SPAST: variants seen among roughly 807,000 people sequenced by gnomAD.
SPAST encodes spastin.
A neutral mutation model predicts 76.6 loss-of-function variants in SPAST; 30 were observed. The ratio of observed to expected loss-of-function variants is 0.39; its 90% CI spans 0.29 to 0.53. The LOEUF (loss-of-function observed/expected upper bound fraction) is 0.53, where lower values mean the gene tolerates loss of function less well. Among genes scored for constraint, SPAST ranks in the 20% least tolerant of loss-of-function variants. The pLI is 0.68. For synonymous variants in SPAST, 305 were observed against 281.0 expected (o/e 1.09, Z -0.86); for missense variants, 717 against 770.5 (o/e 0.93, Z 0.82).
At chr2:32,102,510 A>T (rs1025756962) in intron 4 of SPAST, among the ~76,000 whole-genome samples, 12 of 152,188 alleles carry the variant, frequency 7.9e-5, no homozygotes, top group African/African-American at 2.9e-4. Flanking sequence ...CACTATGTTG[A>T]ACAGGAGTGG....
intron 1 of SPAST, among the ~76,000 whole-genome samples, chr2:32,080,829 CTG>C (rs1403859595): frequency 3.6e-5 from 4 of 110,298 alleles, no homozygotes; most frequent in Non-Finnish European, 1.7e-5. Context: ...GAGTCTCACT[CTG>C]TTGCCCAAGC....
intron 4 of SPAST, among the ~76,000 whole-genome samples, chr2:32,107,725 A>G (rs1391850794): frequency 6.6e-6 from 1 of 152,190 alleles, no homozygotes. Context: ...ATTTCGCATA[A>G]GGGATACTCA....
chr2:32,082,918 A>G (rs1460909111), intron 1 of SPAST, among the ~76,000 whole-genome samples: 1 of 152,068 alleles, frequency 6.6e-6, no homozygotes, highest in Admixed American at 6.6e-5. Context: ...CCATTCACTA[A>G]ATGATTTGGG....
At chr2:32,152,689 A>T (rs1033959591) in intron 16 of SPAST, among the ~76,000 whole-genome samples, 13 of 152,008 alleles carry the variant, frequency 8.6e-5, no homozygotes, top group African/African-American at 3.1e-4. Flanking sequence ...GTTAAATAGG[A>T]AACAAGTAGG....
Position 32,123,400 on chromosome 2 carries a change from G to GAGAT in SPAST, c.1099-3546_1099-3543dup, listed in dbSNP as rs752339568. 1.7e-3 allele frequency among the ~76,000 whole-genome samples: 256 copies of GAGAT among 152,278 alleles called. 1 individual carries two copies. Among genetic ancestry groups the GAGAT allele is most frequent in the Middle Eastern group, 3.4e-3 (1 of 294 alleles). ...GAAATCAAAGATCTAAGTAAACTGA[G>GAGAT]AGATATTCCATGTAAATGGACAGGG... On this transcript the variant is annotated intron_variant, in intron 7 of 16. Transcript: ENST00000315285.
In SPAST at chr2:32,121,535, CT is replaced by C. The variant is rs34519148; in HGVS notation, c.1098+5346del. Among the ~76,000 whole-genome samples, 553 of 102,732 alleles carry C rather than the reference CT, an allele frequency of 5.4e-3. 6 individuals carry two copies. Among genetic ancestry groups the C allele is most frequent in the African/African-American group, 0.017 (440 of 26,574 alleles). The allele number at this position is 102,732 out of a possible 152,430, so 67.4% of individuals were successfully genotyped here. On this transcript the variant is annotated intron_variant, in intron 7 of 16. Coordinates refer to ENST00000315285, the MANE Select transcript of SPAST (RefSeq NM_014946.4). ...AAGTTTTTTTGTTTCATCTTTCTCACTTTTTTTTTTTTTTTTTTTTTTTAAG... is the reference window on the plus strand; with the variant it reads ...AAGTTTTTTTGTTTCATCTTTCTCACTTTTTTTTTTTTTTTTTTTTTTAAG...
intron 13 of SPAST, 77 bp from the exon 14 acceptor site, chr2:32,143,259 C>T (rs897725546): frequency 5.7e-6 from 5 of 873,146 alleles, no homozygotes; most frequent in Non-Finnish European, 9.4e-6. Context: ...AGCACAAGAC[C>T]CTGTCTCAAT....
Position 32,114,767 on chromosome 2 carries a change from G to T in SPAST, c.812G>T (p.Gly271Val). The change falls in exon 5 of 17, where the codon GGT (glycine) becomes GTT (valine). Residue 271 changes from glycine (G) to valine (V), a missense_variant. Physicochemically the swap from Gly to Val is moderately radical, Grantham distance 109. Transcript: ENST00000315285. ...SGHHRAPSYS[G>V]LSMVSGVKQG... ...CACCATAGAGCACCTAGTTACAGTGGTTTATCCATGGTTTCTGGAGTGAAA... is the reference window on the plus strand; with the variant it reads ...CACCATAGAGCACCTAGTTACAGTGTTTTATCCATGGTTTCTGGAGTGAAA... The T allele has an allele frequency of 6.2e-7, 1 of 1,614,052 alleles. No individual in the cohort carries two copies. The highest frequency in any genetic ancestry group is 8.5e-7 in the Non-Finnish European group (1 of 1,179,984).
chr2:32,131,411 A>G (rs1012613436), intron 9 of SPAST, among the ~76,000 whole-genome samples: 10 of 152,198 alleles, frequency 6.6e-5, no homozygotes, highest in African/African-American at 2.4e-4. Context: ...CCACTAGAAG[A>G]TGGTCTCCAT....
At chr2:32,065,205 A>C (rs149103495) in intron 1 of SPAST, among the ~76,000 whole-genome samples, 13 of 152,078 alleles carry the variant, frequency 8.5e-5, no homozygotes, top group African/African-American at 3.1e-4. Context: ...TTTTTAGTAG[A>C]GTAGGGATTT....
intron 3 of SPAST, among the ~76,000 whole-genome samples, chr2:32,090,641 AT>A (rs1182585363): frequency 1.2e-4 from 18 of 152,282 alleles, no homozygotes; most frequent in African/African-American, 4.1e-4. Flanking sequence ...TCTTAAAAAG[AT>A]CCGTATGTCT....
rs371694243 is a variant in SPAST, at chr2:32,128,521, G to T, written c.1245+42G>T. On this transcript the variant is annotated intron_variant, in intron 9 of 16. Transcript: ENST00000315285. ...CAATATTGTCGTATTTTAAGTTACT[G>T]TCTAAATGTTACTGTGTTAACTGTA... The T allele has an allele frequency of 7.9e-6, 10 of 1,264,146 alleles. No individual in the cohort carries two copies. The African/African-American group carries it at 1.2e-4, about 15-fold the overall frequency. 78.3% of individuals were successfully genotyped at this position (1,264,146 alleles called of 1,614,324 possible).
At chr2:32,125,872 A>G (rs1341732227) in intron 7 of SPAST, among the ~76,000 whole-genome samples, 4 of 151,742 alleles carry the variant, frequency 2.6e-5, no homozygotes, top group Non-Finnish European at 5.9e-5. Flanking sequence ...TTGGCTCAAT[A>G]CACGCTCCGC....
In SPAST at chr2:32,149,418, T is replaced by C. The variant is rs188254630; in HGVS notation, c.1728+2160T>C. Reference sequence around the variant, plus strand: ...TGGCCAATTTATTACCGTTTCTTAATATGGAAGACCTCCTTATGAGATGCT... The same window carrying C: ...TGGCCAATTTATTACCGTTTCTTAACATGGAAGACCTCCTTATGAGATGCT... On this transcript the variant is annotated intron_variant, in intron 16 of 16. Coordinates refer to ENST00000315285, the MANE Select transcript of SPAST (RefSeq NM_014946.4). 1.6e-3 allele frequency among the ~76,000 whole-genome samples: 241 copies of C among 152,186 alleles called. 1 individual carries two copies. The highest frequency in any genetic ancestry group is 5.4e-3 in the African/African-American group (224 of 41,520).
intron 3 of SPAST, among the ~76,000 whole-genome samples, chr2:32,094,438 A>G (rs1440840571): frequency 6.6e-6 from 1 of 152,144 alleles, no homozygotes; most frequent in Non-Finnish European, 1.5e-5. Context: ...AGCCATGATG[A>G]TACCTGGGAC....
At chr2:32,143,071 C>G (rs1254631470) in intron 13 of SPAST, among the ~76,000 whole-genome samples, 1 of 151,834 alleles carries the variant, frequency 6.6e-6, no homozygotes, top group Non-Finnish European at 1.5e-5. Context: ...TCAAGACCAG[C>G]CTGGGCAACA....
At chr2:32,107,722 A>G (rs1288829902) in intron 4 of SPAST, among the ~76,000 whole-genome samples, 1 of 152,200 alleles carries the variant, frequency 6.6e-6, no homozygotes. Context: ...AGCATTTCGC[A>G]TAAGGGATAC....
At chr2:32,098,952 TAACC>T in intron 4 of SPAST, 61 bp downstream of exon 4, 30 of 1,071,084 alleles carry the variant, frequency 2.8e-5, no homozygotes, top group Non-Finnish European at 3.9e-5. Flanking sequence ...GAGTCTTACT[TAACC>T]TGATAATGTT....
intron 4 of SPAST, among the ~76,000 whole-genome samples, chr2:32,114,155 AG>A (rs1487625476): frequency 6.6e-6 from 1 of 152,188 alleles, no homozygotes; most frequent in Admixed American, 6.5e-5. Flanking sequence ...TTGTAATCCC[AG>A]CACTTTGGGA....
Sources: allele counts gnomAD v4.1 joint callset (sites outside exome capture counted in the v4.1 genomes callset), GRCh38; gene constraint gnomAD v4.1.1; transcripts MANE v1.5; gene names NCBI Gene and HGNC (gene_info 2026-07-23, HGNC 2026-07-21).